FBXO16: variants seen among roughly 807,000 people sequenced by gnomAD.
FBXO16 encodes F-box protein 16.
A neutral mutation model predicts 41.0 loss-of-function variants in FBXO16; 31 were observed. The ratio of observed to expected loss-of-function variants is 0.76; its 90% CI spans 0.57 to 1.02. The LOEUF is 1.02. FBXO16 is among the 50% of genes least tolerant of loss of function. The pLI, the probability that FBXO16 is intolerant of heterozygous loss-of-function variation, is 0.00. For missense variants in FBXO16, 361 were observed against 346.2 expected, an observed-to-expected ratio of 1.04 and a Z score of -0.34; for synonymous variants, 133 against 117.8, an observed-to-expected ratio of 1.13 and a Z score of -0.84.
chr8:28,488,257 C>A (rs1158740121), intron 1 of FBXO16, among the ~76,000 whole-genome samples: 1 of 150,706 alleles, frequency 6.6e-6, no homozygotes, highest in Admixed American at 6.6e-5. Flanking sequence ...AAGGATGGGT[C>A]CCCTGGCCAC....
chr8:28,433,226 T>C (rs534029399), intron 7 of FBXO16, among the ~76,000 whole-genome samples: 4 of 152,320 alleles, frequency 2.6e-5, no homozygotes, highest in African/African-American at 9.6e-5. Flanking sequence ...TAGAGGTATT[T>C]ACCCAATATC....
chr8:28,436,337 G>A (rs1057208109), intron 7 of FBXO16, among the ~76,000 whole-genome samples: 2 of 152,186 alleles, frequency 1.3e-5, no homozygotes, highest in East Asian at 1.9e-4. Flanking sequence ...TTTGGCCAAC[G>A]CCTATGAGCA....
rs1426909932 is a variant in FBXO16, at chr8:28,456,890, A to T, written c.383T>A (p.Leu128His). The T allele has an allele frequency of 6.2e-7, 1 of 1,614,130 alleles. No homozygotes were observed. Among genetic ancestry groups the T allele is most frequent in the Non-Finnish European group, 8.5e-7 (1 of 1,180,018 alleles). ...AAACCGTAAACATTTCAGCATCCAG[A>T]GCTGGTCCAGCTCAGCAAGGTTCTT... The part of the protein sequence containing the change: ...HWKNLAELDQ[L>H]WMLKCLRFNW... Residue 128 changes from leucine (L) to histidine (H), a missense_variant, in exon 5 of 9, where the codon CTC (leucine) becomes CAC (histidine). Physicochemically the swap from Leu to His is moderately conservative, Grantham distance 99. Transcript: ENST00000380254.
chr8:28,455,187 T>C, intron 5 of FBXO16, among the ~76,000 whole-genome samples: 1 of 151,882 alleles, frequency 6.6e-6, no homozygotes, highest in Admixed American at 6.6e-5. Flanking sequence ...GTGATCCTCC[T>C]GCCTCAGCCT....
At chr8:28,482,959 G>T (rs1038322469) in intron 2 of FBXO16, among the ~76,000 whole-genome samples, 4 of 152,122 alleles carry the variant, frequency 2.6e-5, no homozygotes, top group African/African-American at 9.7e-5. Context: ...CTTATTAAAT[G>T]TGCAGCATTA....
At chr8:28,455,844 G>A (rs1345163405) in intron 5 of FBXO16, 1 of 152,168 alleles carries the variant, frequency 6.6e-6, no homozygotes, top group Non-Finnish European at 1.5e-5. Context: ...GTTTATTACT[G>A]TATTAAGTGT....
rs1294970403 is a variant in FBXO16 at position 28,482,861 on chromosome 8, G to A, written c.99+487C>T. Among the ~76,000 whole-genome samples the A allele has an allele frequency of 3.3e-5, 5 of 152,098 alleles. No individual in the cohort carries two copies. In the East Asian group the frequency reaches 5.8e-4, roughly 18 times the overall value. ...CCCAAAGTGCTGGGATTATAAGCAT[G>A]AGCCACCGCACCCAGCCATGAAAAT... On this transcript the variant is annotated intron_variant, in intron 2 of 8. Coordinates refer to ENST00000380254, the MANE Select transcript of FBXO16 (RefSeq NM_172366.4).
intron 2 of FBXO16, among the ~76,000 whole-genome samples, chr8:28,479,877 C>A (rs142047435): frequency 6.6e-6 from 1 of 151,612 alleles, no homozygotes; most frequent in Non-Finnish European, 1.5e-5. Context: ...TGCACCATCA[C>A]GCCAGGCTAA....
chr8:28,472,561 T>C (rs1295702399), intron 3 of FBXO16, among the ~76,000 whole-genome samples: 1 of 151,944 alleles, frequency 6.6e-6, no homozygotes, highest in Non-Finnish European at 1.5e-5. Flanking sequence ...GCCAACATGG[T>C]GAAACTCCAT....
chr8:28,483,931 C>G (rs963278477), intron 1 of FBXO16, among the ~76,000 whole-genome samples: 1 of 152,160 alleles, frequency 6.6e-6, no homozygotes, highest in African/African-American at 2.4e-5. Flanking sequence ...TGTTATATGT[C>G]AAGCACTTCA....
chr8:28,428,616 T>C lies in FBXO16; in HGVS notation c.*111A>G. 1 of 1,551,986 alleles carries C rather than the reference T, an allele frequency of 6.4e-7. No individual in the cohort carries two copies. Among genetic ancestry groups the C allele is most frequent in the East Asian group, 2.4e-5 (1 of 40,890 alleles). ...AGTCATGCTTGGGGCCCAGGGTGCC[T>C]GTGAGGATGCTGCATGAGAATTTCA... is the stretch of plus-strand genomic sequence containing the variant. On this transcript the variant is annotated 3_prime_UTR_variant, in exon 9 of 9. Coordinates refer to ENST00000380254, the MANE Select transcript of FBXO16 (RefSeq NM_172366.4).
intron 1 of FBXO16, among the ~76,000 whole-genome samples, chr8:28,486,973 T>A (rs1803612792): frequency 1.3e-5 from 2 of 152,092 alleles, no homozygotes; most frequent in Non-Finnish European, 2.9e-5. Flanking sequence ...AAATTTTGCT[T>A]ACCCCTGCTC....
At chr8:28,449,206 T>C (rs1802912735) in intron 6 of FBXO16, 1 of 147,686 alleles carries the variant, frequency 6.8e-6, no homozygotes, top group Non-Finnish European at 1.5e-5. Context: ...CTGATAGTTA[T>C]AACAAACAAA....
intron 4 of FBXO16, among the ~76,000 whole-genome samples, chr8:28,457,376 C>T (rs1803055639): frequency 6.6e-6 from 1 of 152,120 alleles, no homozygotes; most frequent in South Asian, 2.1e-4. Context: ...CTTCCTTTTC[C>T]CTTGTGTATT....
intron 4 of FBXO16, among the ~76,000 whole-genome samples, chr8:28,462,430 C>T (rs1017983686): frequency 6.6e-6 from 1 of 152,038 alleles, no homozygotes; most frequent in Admixed American, 6.6e-5. Flanking sequence ...AGGCGCCCGC[C>T]ACCACGCCCG....
chr8:28,477,061 T>C (rs184023683), intron 2 of FBXO16, among the ~76,000 whole-genome samples: 1 of 152,290 alleles, frequency 6.6e-6, no homozygotes, highest in East Asian at 1.9e-4. Flanking sequence ...TCACAATGCT[T>C]GAATAACTTA....
chr8:28,463,294 TTG>T lies in FBXO16; in HGVS notation c.342+316_342+317del, dbSNP rs370359214. ...TGTGTGTGCATGTGTATATGTATGT[TTG>T]TGTGTGTTTGTGTGTGTGTGTATAT... On this transcript the variant is annotated intron_variant, in intron 4 of 8. Transcript: ENST00000380254. 6.5e-4 allele frequency among the ~76,000 whole-genome samples: 97 copies of T among 149,998 alleles called. No individual in the cohort carries two copies. The South Asian group carries it at 9.6e-3, about 15-fold the overall frequency.
chr8:28,463,953 G>T, intron 3 of FBXO16, 135 bp from the exon 4 acceptor site: 2 of 846,690 alleles, frequency 2.4e-6, no homozygotes, highest in Non-Finnish European at 3.6e-6. Flanking sequence ...TCCCTAATCA[G>T]CAAATTCCAT....
At chr8:28,459,327 T>G in intron 4 of FBXO16, among the ~76,000 whole-genome samples, 1 of 152,120 alleles carries the variant, frequency 6.6e-6, no homozygotes, top group East Asian at 1.9e-4. Context: ...TGCATAATAA[T>G]GCATCATAGG....
Sources: allele counts gnomAD v4.1 joint callset (sites outside exome capture counted in the v4.1 genomes callset), GRCh38; gene constraint gnomAD v4.1.1; transcripts MANE v1.5; gene names NCBI Gene and HGNC (gene_info 2026-07-23, HGNC 2026-07-21).